KIAA1217: variants seen among roughly 807,000 people sequenced by gnomAD.
KIAA1217 encodes the protein KIAA1217.
Under a neutral mutation model 163.9 loss-of-function variants are expected in KIAA1217, and 88 were observed. The ratio of observed to expected loss-of-function variants is 0.54; its 90% CI spans 0.45 to 0.64. The LOEUF is 0.64. Among genes scored for constraint, KIAA1217 ranks in the 30% least tolerant of loss-of-function variants. KIAA1217 has a pLI of 0.00. For synonymous variants in KIAA1217, 903 were observed against 923.1 expected (o/e 0.98, Z 0.39); for missense variants, 2,372 against 2,475.0 (o/e 0.96, Z 0.88).
chr10:23,735,357 TGAGTAGCTGGGATTACA>T (rs1391188865), intron 1 of KIAA1217, among the ~76,000 whole-genome samples: 2 of 152,092 alleles, frequency 1.3e-5, no homozygotes, highest in African/African-American at 4.8e-5. Context: ...CTCAGCCTCC[TGAGTAGCTGGGATTACA>T]GAGTGGCATA....
intron 2 of KIAA1217, among the ~76,000 whole-genome samples, chr10:24,294,209 A>AG (rs2079444778): frequency 6.6e-6 from 1 of 151,462 alleles, no homozygotes; most frequent in Non-Finnish European, 1.5e-5. Flanking sequence ...AAAAAAAAAA[A>AG]AAAAGAAATA....
chr10:24,071,073 A>G (rs1395493083), intron 2 of KIAA1217, among the ~76,000 whole-genome samples: 4 of 152,212 alleles, frequency 2.6e-5, no homozygotes, highest in African/African-American at 9.7e-5. Flanking sequence ...ATTGAAGGGA[A>G]CATTGTGGCA....
chr10:23,990,618 T>C (rs1169200738), intron 1 of KIAA1217, among the ~76,000 whole-genome samples: 1 of 152,200 alleles, frequency 6.6e-6, no homozygotes, highest in Non-Finnish European at 1.5e-5. Flanking sequence ...GCATGCACTT[T>C]GTTTTTTTCT....
chr10:24,333,196 T>C (rs1339289233), intron 2 of KIAA1217, among the ~76,000 whole-genome samples: 2 of 152,114 alleles, frequency 1.3e-5, no homozygotes, highest in Non-Finnish European at 2.9e-5. Flanking sequence ...AGCTAATTTT[T>C]GTATTTTTAG....
intron 2 of KIAA1217, among the ~76,000 whole-genome samples, chr10:24,243,298 T>C (rs964595183): frequency 6.6e-6 from 1 of 152,152 alleles, no homozygotes; most frequent in African/African-American, 2.4e-5. Flanking sequence ...AGGGGGTACA[T>C]GTGCATGTTT....
rs1048296824 is a variant in KIAA1217 at position 23,869,066 on chromosome 10, A to G, written c.-320-138159A>G. Among the ~76,000 whole-genome samples, 4 of 142,852 alleles carry G rather than the reference A, an allele frequency of 2.8e-5. No individual in the cohort carries two copies. In the Admixed American group the frequency reaches 2.8e-4, roughly 10 times the overall value. 93.7% of individuals were successfully genotyped at this position (142,852 alleles called of 152,430 possible). ...AATGCTAAGCACGTTTTTTTTATAA[A>G]TGTGTTTTCAGTCCAGGGTATATAC... On this transcript the variant is annotated intron_variant, in intron 1 of 18. Coordinates refer to the KIAA1217 transcript ENST00000376462.
chr10:24,076,922 G>T (rs2061386231), intron 2 of KIAA1217, among the ~76,000 whole-genome samples: 1 of 149,980 alleles, frequency 6.7e-6, no homozygotes, highest in Non-Finnish European at 1.5e-5. Context: ...TATTGCCCAG[G>T]CTAGTGTGCG....
chr10:23,844,004 A>G (rs1047691753), intron 1 of KIAA1217, among the ~76,000 whole-genome samples: 10 of 152,312 alleles, frequency 6.6e-5, no homozygotes, highest in South Asian at 2.1e-4. Context: ...TAGAGAATTA[A>G]TACACCATTA....
intron 14 of KIAA1217, among the ~76,000 whole-genome samples, chr10:24,528,409 A>G (rs1171658152): frequency 6.6e-6 from 1 of 151,338 alleles, no homozygotes; most frequent in African/African-American, 2.4e-5. Context: ...ATAACTTCCA[A>G]CTACTGGGCT....
chr10:24,230,183 T>C (rs79483539), intron 2 of KIAA1217, among the ~76,000 whole-genome samples: 2,485 of 152,286 alleles, frequency 0.016, 52 homozygotes, highest in African/African-American at 0.05. Flanking sequence ...CTAAAATTGC[T>C]GTGCTGTTTC....
At chr10:24,176,606 CCAGCTAGA>C (rs1347532279) in intron 2 of KIAA1217, among the ~76,000 whole-genome samples, 1 of 152,206 alleles carries the variant, frequency 6.6e-6, no homozygotes, top group East Asian at 1.9e-4. Flanking sequence ...TTACAATCCT[CCAGCTAGA>C]CATAAAAGTT....
At chr10:23,880,913 A>T (rs1383399012) in intron 1 of KIAA1217, among the ~76,000 whole-genome samples, 1 of 151,902 alleles carries the variant, frequency 6.6e-6, no homozygotes, top group Non-Finnish European at 1.5e-5. Flanking sequence ...GGTGCAGACA[A>T]CCTGGAGAGT....
rs183431674 is a variant in KIAA1217, at chr10:23,840,665, G to C, written c.-321+145431G>C. On this transcript the variant is annotated intron_variant, in intron 1 of 18. Transcript: ENST00000376462. ...CATGATTGAATTTCTACGAATGAAGGCTTTCCCCTACTTATTACATTTTCA... is the reference window on the plus strand; with the variant it reads ...CATGATTGAATTTCTACGAATGAAGCCTTTCCCCTACTTATTACATTTTCA... Among the ~76,000 whole-genome samples the C allele has an allele frequency of 3.9e-5, 6 of 152,226 alleles. No individual in the cohort carries two copies. The East Asian group carries it at 9.6e-4, about 24-fold the overall frequency.
intron 1 of KIAA1217, among the ~76,000 whole-genome samples, chr10:23,941,891 A>C (rs558264771): frequency 4.1e-4 from 63 of 152,314 alleles, no homozygotes; most frequent in African/African-American, 1.4e-3. Context: ...TCATCCTAAA[A>C]ATAAATGTAA....
At chr10:23,928,354 C>T (rs904760019) in intron 1 of KIAA1217, among the ~76,000 whole-genome samples, 1 of 152,098 alleles carries the variant, frequency 6.6e-6, no homozygotes, top group Non-Finnish European at 1.5e-5. Context: ...AAGCAGCTTC[C>T]CAGAATTTGC....
At chr10:24,059,293 G>T (rs899323171) in intron 2 of KIAA1217, among the ~76,000 whole-genome samples, 7 of 151,806 alleles carry the variant, frequency 4.6e-5, no homozygotes, top group Non-Finnish European at 8.8e-5. Context: ...ATTTTGTCGG[G>T]GGTTGTTTTA....
intron 2 of KIAA1217, among the ~76,000 whole-genome samples, chr10:24,303,632 T>A (rs887823935): frequency 6.6e-6 from 1 of 152,178 alleles, no homozygotes. Flanking sequence ...GGAGGGGATC[T>A]GAGGTGGGAT....
chr10:24,247,725 C>T (rs996830181), intron 2 of KIAA1217, among the ~76,000 whole-genome samples: 5 of 152,194 alleles, frequency 3.3e-5, no homozygotes, highest in East Asian at 1.9e-4. Flanking sequence ...GGCATGAACC[C>T]GGGAGGTGGA....
chr10:23,965,645 C>G (rs1845035476), intron 1 of KIAA1217, among the ~76,000 whole-genome samples: 1 of 152,138 alleles, frequency 6.6e-6, no homozygotes. Flanking sequence ...TACAAGGATG[C>G]AGGAAGCAAA....
Sources: allele counts gnomAD v4.1 joint callset (sites outside exome capture counted in the v4.1 genomes callset), GRCh38; gene constraint gnomAD v4.1.1; transcripts MANE v1.5; gene names NCBI Gene and HGNC (gene_info 2026-07-23, HGNC 2026-07-21).